The following LRP1B variants were observed in gnomAD, a reference collection of about 807,000 sequenced individuals.
The protein encoded by LRP1B is LDL receptor related protein 1B, also known as low-density lipoprotein receptor-related protein 1B.
A neutral mutation model predicts 556.6 loss-of-function variants in LRP1B; 217 were observed. The ratio of observed to expected loss-of-function variants is 0.39; its 90% CI spans 0.35 to 0.44. The LOEUF (loss-of-function observed/expected upper bound fraction) is 0.44. Ranked by LOEUF, LRP1B falls within the 20% of genes least tolerant of loss-of-function variation. LRP1B has a pLI of 1.00. For missense variants in LRP1B, 5,053 were observed against 5,620.8 expected (o/e 0.90, Z 3.23); for synonymous variants, 2,047 against 1,865.8 (o/e 1.10, Z -2.50).
chr2:141,177,066 T>C (rs969613341), intron 7 of LRP1B, among the ~76,000 whole-genome samples: 1 of 152,032 alleles, frequency 6.6e-6, no homozygotes, highest in Non-Finnish European at 1.5e-5. Context: ...ATATAACTAC[T>C]GAAATGTAGC....
intron 1 of LRP1B, among the ~76,000 whole-genome samples, chr2:141,853,495 A>G (rs1697935513): frequency 6.6e-6 from 1 of 151,796 alleles, no homozygotes; most frequent in African/African-American, 2.4e-5. Context: ...TTTTTTTGCT[A>G]TTAGTCAAAA....
chr2:141,058,908 A>G lies in LRP1B; in HGVS notation c.1383T>C (p.Ile461=). 1 of 1,589,368 alleles carries G rather than the reference A, an allele frequency of 6.3e-7. No individual in the cohort carries two copies. The highest frequency in any genetic ancestry group is 8.5e-7 in the Non-Finnish European group (1 of 1,170,814). The change falls in exon 9 of 91, where the codon ATT becomes ATC. Residue 461 remains isoleucine (I), a synonymous_variant. Coordinates refer to ENST00000389484, the MANE Select transcript of LRP1B (RefSeq NM_018557.3). ...CTGTTGGTTGAGTTCTTTTTTGATA[A>G]ATTCGGATTCCCCAAGCATTCTCAA... is the stretch of plus-strand genomic sequence containing the variant. ...IKIENAWGIR[I]YQKRTQPTVR...
chr2:141,248,399 T>C (rs1684145608), intron 4 of LRP1B, among the ~76,000 whole-genome samples: 1 of 152,144 alleles, frequency 6.6e-6, no homozygotes, highest in Admixed American at 6.5e-5. Context: ...ACTCGAGTTA[T>C]GATAGAAACA....
At chr2:142,034,323 G>A (rs1227067836) in intron 1 of LRP1B, among the ~76,000 whole-genome samples, 3 of 151,618 alleles carry the variant, frequency 2.0e-5, no homozygotes, top group South Asian at 4.2e-4. Context: ...ATTTCTTTAT[G>A]AGCCTTCCAT....
At chr2:141,054,847 A>C (rs1045270226) in intron 10 of LRP1B, among the ~76,000 whole-genome samples, 1 of 152,000 alleles carries the variant, frequency 6.6e-6, no homozygotes, top group Non-Finnish European at 1.5e-5. Context: ...TCTTTAGGGA[A>C]TTAAGGGAAG....
chr2:141,369,569 T>C (rs1284632123), intron 3 of LRP1B, among the ~76,000 whole-genome samples: 1 of 152,188 alleles, frequency 6.6e-6, no homozygotes, highest in Non-Finnish European at 1.5e-5. Context: ...TTATAAAATA[T>C]TAGATTTCCA....
intron 1 of LRP1B, among the ~76,000 whole-genome samples, chr2:142,092,457 CTT>C (rs1047675235): frequency 6.6e-5 from 10 of 151,988 alleles, no homozygotes; most frequent in African/African-American, 9.7e-5. Flanking sequence ...AGGTCCATAA[CTT>C]TGTGGAAAAA....
At chr2:141,396,517 A>G (rs924897075) in intron 3 of LRP1B, among the ~76,000 whole-genome samples, 3 of 152,144 alleles carry the variant, frequency 2.0e-5, no homozygotes, top group South Asian at 4.1e-4. Context: ...TAAAAATTTT[A>G]CTCATATCAA....
chr2:141,562,097 C>T (rs1686174422), intron 2 of LRP1B, among the ~76,000 whole-genome samples: 1 of 151,754 alleles, frequency 6.6e-6, no homozygotes, highest in Admixed American at 6.6e-5. Flanking sequence ...GTGTTATACA[C>T]AGAAACACTT....
chr2:140,621,964 T>C (rs1395166714), intron 41 of LRP1B, among the ~76,000 whole-genome samples: 2 of 152,230 alleles, frequency 1.3e-5, no homozygotes, highest in African/African-American at 4.8e-5. Flanking sequence ...GAAGAAATCA[T>C]GTAGGACATT....
intron 1 of LRP1B, among the ~76,000 whole-genome samples, chr2:141,994,367 C>A (rs908967990): frequency 6.6e-6 from 1 of 152,102 alleles, no homozygotes; most frequent in Non-Finnish European, 1.5e-5. Flanking sequence ...TCTTTATGAA[C>A]ACAATGATGG....
intron 2 of LRP1B, among the ~76,000 whole-genome samples, chr2:141,618,551 G>A (rs1036939385): frequency 6.6e-6 from 1 of 152,160 alleles, no homozygotes; most frequent in African/African-American, 2.4e-5. Flanking sequence ...TAAGTGCCAT[G>A]AGAACATCTA....
At chr2:141,813,547 T>C (rs1696427138) in intron 1 of LRP1B, among the ~76,000 whole-genome samples, 1 of 150,864 alleles carries the variant, frequency 6.6e-6, no homozygotes, top group Non-Finnish European at 1.5e-5. Context: ...GAATATGGGA[T>C]TCCAGAGATC....
intron 60 of LRP1B, among the ~76,000 whole-genome samples, chr2:140,467,612 CAAAA>C (rs36060070): frequency 3.5e-5 from 3 of 85,910 alleles, no homozygotes; most frequent in Non-Finnish European, 4.5e-5. Flanking sequence ...AACTCCATCT[CAAAA>C]AAAAAAAAAA....
chr2:141,770,179 G>A (rs993451445), intron 2 of LRP1B, among the ~76,000 whole-genome samples: 6 of 150,062 alleles, frequency 4.0e-5, no homozygotes, highest in African/African-American at 1.5e-4. Flanking sequence ...TTTCACAATA[G>A]CTCTGTGCAT....
chr2:141,084,652 CTTT>C lies in LRP1B; in HGVS notation c.1014-22382_1014-22380del, dbSNP rs11311266. 4.6e-4 allele frequency among the ~76,000 whole-genome samples: 63 copies of C among 136,976 alleles called. 2 individuals are homozygous for C. In the East Asian group the frequency reaches 9.8e-3, roughly 21 times the overall value. The allele number at this position is 136,976 out of a possible 152,430, so 89.9% of individuals were successfully genotyped here. A position where few individuals can be genotyped will look rare whatever the true frequency, so the allele number is the denominator to read the frequency against. Reference sequence around the variant, plus strand: ...GTCTTGTCCATAGATACTTCTGTTTCTTTTTTTTTTTTTTTCAGACGGAGTCTC... The same window carrying C: ...GTCTTGTCCATAGATACTTCTGTTTCTTTTTTTTTTTTCAGACGGAGTCTC... On this transcript the variant is annotated intron_variant, in intron 7 of 90. Transcript: ENST00000389484.
At chr2:141,258,065 G>C (rs1364120081) in intron 3 of LRP1B, among the ~76,000 whole-genome samples, 1 of 152,200 alleles carries the variant, frequency 6.6e-6, no homozygotes, top group Non-Finnish European at 1.5e-5. Context: ...TTGGAACTTA[G>C]ACTGAAGTAG....
rs187212377 is a variant in LRP1B, at chr2:140,459,763, G to A, written c.9626-2112C>T. Among the ~76,000 whole-genome samples, 46 of 152,236 alleles carry A rather than the reference G, an allele frequency of 3.0e-4. No homozygotes were observed. In the East Asian group the frequency reaches 8.5e-3, roughly 28 times the overall value. ...TGAATTGTAATCTCCAGTGTTGAGG[G>A]AGTGATCTGGTGGGAGGTGATTGGA... On this transcript the variant is annotated intron_variant, in intron 60 of 90. Coordinates refer to ENST00000389484, the MANE Select transcript of LRP1B (RefSeq NM_018557.3).
intron 35 of LRP1B, among the ~76,000 whole-genome samples, chr2:140,736,238 C>T (rs923750628): frequency 7.2e-5 from 11 of 152,056 alleles, no homozygotes; most frequent in African/African-American, 2.4e-4. Flanking sequence ...AGGGGACATG[C>T]CATTCACTAG....
Sources: gnomAD v4.1 joint callset for allele counts (sites outside exome capture counted in the v4.1 genomes callset) on GRCh38, gnomAD v4.1.1 for gene constraint, MANE v1.5 for transcripts, NCBI Gene and HGNC (gene_info 2026-07-23, HGNC 2026-07-21) for gene names.